Variants in TBC1D5 observed in about 807,000 individuals in gnomAD.
TBC1D5 encodes TBC1 domain family member 5.
TBC1D5 carries 75 observed loss-of-function variants against 100.3 expected under a neutral mutation model. The ratio of observed to expected loss-of-function variants is 0.75; its 90% CI spans 0.62 to 0.91. TBC1D5 has a LOEUF of 0.91. Among genes scored for constraint, TBC1D5 ranks in the 40% least tolerant of loss-of-function variants. The pLI, the probability that TBC1D5 is intolerant of heterozygous loss-of-function variation, is 0.00. For synonymous variants in TBC1D5, 323 were observed against 325.6 expected, an observed-to-expected ratio of 0.99 and a Z score of 0.09; for missense variants, 910 against 942.4, an observed-to-expected ratio of 0.97 and a Z score of 0.45.
chr3:17,520,966 T>C (rs2096057666), intron 2 of TBC1D5, among the ~76,000 whole-genome samples: 1 of 152,168 alleles, frequency 6.6e-6, no homozygotes, highest in African/African-American at 2.4e-5. Context: ...TGCCATCTGA[T>C]TGTTACTGGA....
At chr3:17,242,888 A>G (rs958597129) in intron 16 of TBC1D5, among the ~76,000 whole-genome samples, 1 of 152,188 alleles carries the variant, frequency 6.6e-6, no homozygotes, top group Non-Finnish European at 1.5e-5. Flanking sequence ...ACAAGTAGAC[A>G]GTATGGTTCA....
At chr3:17,499,300 ATC>A (rs1299910217) in intron 3 of TBC1D5, among the ~76,000 whole-genome samples, 2 of 152,190 alleles carry the variant, frequency 1.3e-5, no homozygotes, top group East Asian at 3.8e-4. Flanking sequence ...TGAAGGAGAA[ATC>A]TGTTTTAATG....
intron 4 of TBC1D5, among the ~76,000 whole-genome samples, chr3:17,422,664 T>C (rs1177228955): frequency 1.3e-5 from 2 of 152,192 alleles, no homozygotes; most frequent in Non-Finnish European, 2.9e-5. Flanking sequence ...CTATAAGATA[T>C]ATAATTCTCT....
At chr3:17,363,289 T>C (rs1363189119) in intron 13 of TBC1D5, among the ~76,000 whole-genome samples, 1 of 152,114 alleles carries the variant, frequency 6.6e-6, no homozygotes, top group African/African-American at 2.4e-5. Context: ...GTTTATATGC[T>C]TAAAAGTAAA....
At chr3:17,268,250 T>A (rs1245544588) in intron 15 of TBC1D5, among the ~76,000 whole-genome samples, 2 of 152,134 alleles carry the variant, frequency 1.3e-5, no homozygotes, top group East Asian at 3.8e-4. Context: ...ATCAATAATC[T>A]TTGATACAGC....
intron 12 of TBC1D5, among the ~76,000 whole-genome samples, chr3:17,372,644 C>T (rs778126569): frequency 6.6e-6 from 1 of 152,078 alleles, no homozygotes; most frequent in Non-Finnish European, 1.5e-5. Context: ...TCTCACCTAG[C>T]GTGACTCAGT....
chr3:17,270,573 G>T (rs967081550), intron 15 of TBC1D5, among the ~76,000 whole-genome samples: 1 of 152,110 alleles, frequency 6.6e-6, no homozygotes, highest in East Asian at 1.9e-4. Context: ...CATTCTGTAG[G>T]TTGTCTACTC....
intron 8 of TBC1D5, among the ~76,000 whole-genome samples, chr3:17,399,009 C>T (rs1053983115): frequency 2.0e-5 from 3 of 151,982 alleles, no homozygotes; most frequent in Non-Finnish European, 4.4e-5. Flanking sequence ...GAACTCAGGC[C>T]TTGAATGGTT....
In TBC1D5 at chr3:17,590,028, C is replaced by A. The variant is rs189151397; in HGVS notation, c.-36+33821G>T. ...TATGGGGCACAGCAAGTGCAAAGGT[C>A]CAAAAGCAGCTGTGAGATCAGCACC... On this transcript the variant is annotated intron_variant, in intron 2 of 21. Transcript: ENST00000253692. 1.0e-3 allele frequency among the ~76,000 whole-genome samples: 155 copies of A among 152,258 alleles called. 2 individuals are homozygous for A. The South Asian group carries it at 0.018, about 18-fold the overall frequency.
intron 3 of TBC1D5, among the ~76,000 whole-genome samples, chr3:17,487,148 C>T (rs750371661): frequency 8.5e-5 from 13 of 152,054 alleles, no homozygotes; most frequent in Non-Finnish European, 1.9e-4. Context: ...TATTTATTGT[C>T]TCAGGTTCCT....
intron 3 of TBC1D5, among the ~76,000 whole-genome samples, chr3:17,456,782 A>G (rs1256203980): frequency 2.0e-5 from 3 of 152,246 alleles, no homozygotes; most frequent in South Asian, 4.1e-4. Flanking sequence ...AAAATGTGGT[A>G]TAACAATAAA....
At chr3:17,461,981 T>C (rs56950773) in intron 3 of TBC1D5, among the ~76,000 whole-genome samples, 9,929 of 152,226 alleles carry the variant, frequency 0.065, 629 homozygotes, top group African/African-American at 0.17. Context: ...TCTTTTCCAA[T>C]ATCTCAGGCA....
At chr3:17,626,204 T>C (rs2063041076) in intron 1 of TBC1D5, among the ~76,000 whole-genome samples, 1 of 152,158 alleles carries the variant, frequency 6.6e-6, no homozygotes. Flanking sequence ...TTCTAGGTTT[T>C]CTGATTGTCA....
intron 8 of TBC1D5, among the ~76,000 whole-genome samples, chr3:17,384,507 A>T (rs2093072684): frequency 6.6e-6 from 1 of 152,110 alleles, no homozygotes; most frequent in Admixed American, 6.6e-5. Context: ...ATTTATTTAT[A>T]ATGCAGTAAA....
chr3:17,638,811 T>G lies in TBC1D5; in HGVS notation c.-100-14898A>C, dbSNP rs922589129. ...ACATGGATAAATCTTAAAAATAATA[T>G]TGAGAGAAAATTTTAAGTTATAAAA... On this transcript the variant is annotated intron_variant, in intron 1 of 21. Coordinates refer to ENST00000253692, the Ensembl canonical transcript of TBC1D5. Among the ~76,000 whole-genome samples the G allele has an allele frequency of 3.9e-5, 6 of 152,010 alleles. No individual in the cohort carries two copies. In the South Asian group the frequency reaches 1.0e-3, roughly 26 times the overall value.
chr3:17,380,682 A>G (rs539537200), intron 9 of TBC1D5, among the ~76,000 whole-genome samples: 1 of 152,124 alleles, frequency 6.6e-6, no homozygotes, highest in African/African-American at 2.4e-5. Flanking sequence ...AGGTAACAAA[A>G]GTTTTCTTCA....
intron 2 of TBC1D5, among the ~76,000 whole-genome samples, chr3:17,550,704 T>C (rs780807058): frequency 6.6e-6 from 1 of 152,194 alleles, no homozygotes; most frequent in Non-Finnish European, 1.5e-5. Flanking sequence ...TAATCCAATA[T>C]GTTATATGTT....
At chr3:17,306,437 A>C (rs944810481) in intron 14 of TBC1D5, among the ~76,000 whole-genome samples, 2 of 152,210 alleles carry the variant, frequency 1.3e-5, no homozygotes, top group Non-Finnish European at 2.9e-5. Context: ...AATTAAAATA[A>C]GTTGGGTTAA....
chr3:17,455,793 G>T (rs996086467), intron 3 of TBC1D5, among the ~76,000 whole-genome samples: 3 of 152,066 alleles, frequency 2.0e-5, no homozygotes, highest in Non-Finnish European at 4.4e-5. Flanking sequence ...AGCTGAGACT[G>T]CACTACTGCA....
Sources: gnomAD v4.1 joint callset for allele counts (sites outside exome capture counted in the v4.1 genomes callset) on GRCh38, gnomAD v4.1.1 for gene constraint, MANE v1.5 for transcripts, NCBI Gene and HGNC (gene_info 2026-07-23, HGNC 2026-07-21) for gene names.